The following ENTPD1 variants were observed in gnomAD, a reference collection of about 807,000 sequenced individuals.
ENTPD1 encodes the protein ATP diphosphohydrolase.
ENTPD1 carries 33 observed loss-of-function variants against 57.0 expected under a neutral mutation model. The ratio of observed to expected loss-of-function variants is 0.58; its 90% CI spans 0.44 to 0.77. The LOEUF (loss-of-function observed/expected upper bound fraction) is 0.77. Among genes scored for constraint, ENTPD1 ranks in the 30% least tolerant of loss-of-function variants. The pLI is 0.00. For missense variants in ENTPD1, 501 were observed against 603.4 expected (o/e 0.83, Z 1.78); for synonymous variants, 202 against 218.8 (o/e 0.92, Z 0.68).
intron 1 of ENTPD1, among the ~76,000 whole-genome samples, chr10:95,720,713 G>C (rs923200549): frequency 6.6e-6 from 1 of 152,170 alleles, no homozygotes; most frequent in African/African-American, 2.4e-5. Context: ...TCGTCCCCTG[G>C]GGCAGTGGGC....
chr10:95,814,593 T>C (rs529430393), intron 1 of ENTPD1, among the ~76,000 whole-genome samples: 4 of 152,216 alleles, frequency 2.6e-5, no homozygotes, highest in Non-Finnish European at 1.5e-5. Flanking sequence ...TGTCACCAAA[T>C]AGGCTCTCCC....
At chr10:95,724,016 G>A (rs1165555444) in intron 1 of ENTPD1, among the ~76,000 whole-genome samples, 2 of 151,932 alleles carry the variant, frequency 1.3e-5, no homozygotes, top group African/African-American at 4.8e-5. Context: ...AAAAAAATTA[G>A]CTGGGTGTTG....
intron 1 of ENTPD1, among the ~76,000 whole-genome samples, chr10:95,721,196 T>C (rs1233494026): frequency 6.6e-6 from 1 of 152,210 alleles, no homozygotes; most frequent in East Asian, 1.9e-4. Flanking sequence ...CCCTGTGTTA[T>C]AGTGGACATC....
At chr10:95,739,172 C>T (rs543615956) in intron 1 of ENTPD1, among the ~76,000 whole-genome samples, 32 of 152,108 alleles carry the variant, frequency 2.1e-4, no homozygotes, top group Non-Finnish European at 3.5e-4. Context: ...AGGATTTTAC[C>T]TCTATGTTAA....
intron 1 of ENTPD1, among the ~76,000 whole-genome samples, chr10:95,800,595 A>G (rs762865398): frequency 4.6e-5 from 7 of 152,144 alleles, no homozygotes; most frequent in Non-Finnish European, 1.0e-4. Flanking sequence ...CATAAGACAG[A>G]CATTCCCAGA....
At chr10:95,735,195 C>A (rs1441015560) in intron 1 of ENTPD1, among the ~76,000 whole-genome samples, 1 of 151,996 alleles carries the variant, frequency 6.6e-6, no homozygotes, top group Non-Finnish European at 1.5e-5. Flanking sequence ...CCACACCTGG[C>A]CAATTTTGTA....
At position 95,791,838 on chromosome 10, in the gene ENTPD1, G is replaced by C. The variant is rs550497520; in HGVS notation, c.17-31399G>C. 1.1e-4 allele frequency among the ~76,000 whole-genome samples: 17 copies of C among 152,296 alleles called. No homozygotes were observed. Among genetic ancestry groups the C allele is most frequent in the Non-Finnish European group, 1.5e-5 (1 of 68,020 alleles). On this transcript the variant is annotated intron_variant, in intron 1 of 9. Transcript: ENST00000371205. The surrounding 1 kb of genome is among the most constrained non-coding windows in gnomAD (Gnocchi z 4.1). ...GAAAGTCCCCAGGGAACTCTGGAGT[G>C]TGTGAACTCTAAGGATCCTTTCAAC...
chr10:95,810,439 C>G (rs940501641), intron 1 of ENTPD1, among the ~76,000 whole-genome samples: 1 of 144,856 alleles, frequency 6.9e-6, no homozygotes, highest in Non-Finnish European at 1.5e-5. Flanking sequence ...CCTCACTTCC[C>G]GGATAGGGCA....
In ENTPD1 at chr10:95,874,550, A is replaced by C. The variant is rs2098483834; in HGVS notation, c.*8167A>C. On this transcript the variant is annotated 3_prime_UTR_variant, in exon 10 of 10. Transcript: ENST00000371205. ...GGCACAAGATGCAAGTTGGTGGTTG[A>C]TCTACCATTCTGGGGTCTACCATTC... Among the ~76,000 whole-genome samples the C allele has an allele frequency of 6.6e-6, 1 of 152,074 alleles. No homozygotes were observed. Among genetic ancestry groups the C allele is most frequent in the Admixed American group, 6.5e-5 (1 of 15,276 alleles).
At chr10:95,725,760 C>T (rs1363397975) in intron 1 of ENTPD1, among the ~76,000 whole-genome samples, 2 of 152,216 alleles carry the variant, frequency 1.3e-5, no homozygotes, top group South Asian at 2.1e-4. Context: ...CTCTGGCTTT[C>T]ACTTTTTGCT....
intron 1 of ENTPD1, among the ~76,000 whole-genome samples, chr10:95,782,838 A>G (rs2098163265): frequency 6.6e-6 from 1 of 152,170 alleles, no homozygotes; most frequent in South Asian, 2.1e-4. Context: ...TCATCTGGAT[A>G]ACTACTGGTT....
At chr10:95,770,250 T>TGA (rs1299062101) in intron 1 of ENTPD1, among the ~76,000 whole-genome samples, 2 of 88,736 alleles carry the variant, frequency 2.3e-5, no homozygotes, top group African/African-American at 8.0e-5. Flanking sequence ...AGAGAGTGAG[T>TGA]GAGTGAGTGT....
At chr10:95,842,590 C>T in intron 4 of ENTPD1, 96 bp downstream of exon 4, 1 of 1,361,758 alleles carries the variant, frequency 7.3e-7, no homozygotes. Context: ...TCCCTAATAC[C>T]CCAAGTTCTA....
chr10:95,851,308 A>G (rs868146934), intron 7 of ENTPD1, among the ~76,000 whole-genome samples: 1 of 151,878 alleles, frequency 6.6e-6, no homozygotes, highest in Non-Finnish European at 1.5e-5. Flanking sequence ...CATGAATTTT[A>G]TTTTTTTAAT....
At chr10:95,768,736 C>T (rs1307016240) in intron 1 of ENTPD1, among the ~76,000 whole-genome samples, 1 of 152,120 alleles carries the variant, frequency 6.6e-6, no homozygotes, top group Non-Finnish European at 1.5e-5. Flanking sequence ...TTCAAAAAAA[C>T]AAACGATTTC....
rs1401683769 is a variant in ENTPD1, at chr10:95,872,727, G to T, written c.*6344G>T. On this transcript the variant is annotated 3_prime_UTR_variant, in exon 10 of 10. Coordinates refer to ENST00000371205, the MANE Select transcript of ENTPD1 (RefSeq NM_001776.6). ...CAACCTCCCTGTCCACTGCCAGGCC[G>T]ACTACAAACCCTTCTGTTGCTGGCG... The T allele has an allele frequency of 1.0e-6, 1 of 985,304 alleles. No homozygotes were observed. The allele number at this position is 985,304 out of a possible 1,614,324, so 61.0% of individuals were successfully genotyped here.
chr10:95,746,686 A>ACACT (rs2098006441), intron 1 of ENTPD1, among the ~76,000 whole-genome samples: 1 of 152,182 alleles, frequency 6.6e-6, no homozygotes, highest in Non-Finnish European at 1.5e-5. Context: ...TACTCTTGGA[A>ACACT]CACTTTCAGA....
At chr10:95,854,462 T>C (rs1053796253) in intron 7 of ENTPD1, among the ~76,000 whole-genome samples, 13 of 152,214 alleles carry the variant, frequency 8.5e-5, no homozygotes, top group Non-Finnish European at 1.9e-4. Context: ...AGTTATTTCT[T>C]GCCTTCTGCT....
At chr10:95,831,519 C>A (rs2098396711) in intron 2 of ENTPD1, among the ~76,000 whole-genome samples, 1 of 152,238 alleles carries the variant, frequency 6.6e-6, no homozygotes, top group African/African-American at 2.4e-5. Context: ...GAAGGCCTGG[C>A]CCACTGCAGA....
Sources: allele counts gnomAD v4.1 joint callset (sites outside exome capture counted in the v4.1 genomes callset), GRCh38; gene constraint gnomAD v4.1.1; non-coding constraint Gnocchi (gnomAD v3.1); transcripts MANE v1.5; gene names NCBI Gene and HGNC (gene_info 2026-07-23, HGNC 2026-07-21).